UHRF2: variants seen among roughly 807,000 people sequenced by gnomAD.
The protein encoded by UHRF2 is E3 ubiquitin-protein ligase UHRF2.
UHRF2 carries 23 observed loss-of-function variants against 96.8 expected under a neutral mutation model. The observed-to-expected ratio is 0.24, with a 90% CI of 0.17 to 0.34. The LOEUF (loss-of-function observed/expected upper bound fraction) is 0.34, where lower values mean the gene tolerates loss of function less well. Ranked by LOEUF, UHRF2 falls within the 10% of genes least tolerant of loss-of-function variation. The pLI is 1.00. For missense variants in UHRF2, 685 were observed against 981.5 expected, an observed-to-expected ratio of 0.70 and a Z score of 4.04; for synonymous variants, 385 against 332.6, an observed-to-expected ratio of 1.16 and a Z score of -1.72.
chr9:6,450,378 C>G (rs2130816678), intron 3 of UHRF2, among the ~76,000 whole-genome samples: 1 of 133,022 alleles, frequency 7.5e-6, no homozygotes, highest in Admixed American at 9.0e-5. Flanking sequence ...TTTTACTGAT[C>G]ACATTCCTGT....
intron 3 of UHRF2, among the ~76,000 whole-genome samples, chr9:6,453,819 C>A (rs559553939): frequency 1.3e-5 from 2 of 151,984 alleles, no homozygotes; most frequent in Admixed American, 1.3e-4. Context: ...GCAGGAGAAT[C>A]GCTTGGACCC....
chr9:6,457,101 T>G (rs1191691951), intron 3 of UHRF2, among the ~76,000 whole-genome samples: 2 of 152,244 alleles, frequency 1.3e-5, no homozygotes, highest in East Asian at 3.8e-4. Flanking sequence ...CTTTGGGCAG[T>G]ATGGGCATTT....
At position 6,444,185 on chromosome 9, in the gene UHRF2, C is replaced by G. The variant is rs189531475; in HGVS notation, c.644+10012C>G. Among the ~76,000 whole-genome samples, 144 of 152,248 alleles carry G rather than the reference C, an allele frequency of 9.5e-4. 1 individual carries two copies. Among genetic ancestry groups the G allele is most frequent in the Non-Finnish European group, 4.1e-4 (28 of 68,012 alleles). ...TGTCAGTCTTGAGTACAGGAGGGAACTAGAATGAGTTGTTTAATTTCAGAA... is the reference window on the plus strand; with the variant it reads ...TGTCAGTCTTGAGTACAGGAGGGAAGTAGAATGAGTTGTTTAATTTCAGAA... On this transcript the variant is annotated intron_variant, in intron 3 of 15. Coordinates refer to ENST00000276893, the MANE Select transcript of UHRF2 (RefSeq NM_152896.3).
chr9:6,419,311 C>G (rs568505036), intron 1 of UHRF2, among the ~76,000 whole-genome samples: 10 of 152,288 alleles, frequency 6.6e-5, no homozygotes, highest in South Asian at 4.1e-4. Context: ...AACCCATAAC[C>G]CTTACCAAAA....
rs373027120 is a variant in UHRF2 at position 6,499,828 on chromosome 9, C to A, written c.1909-7C>A. Reference sequence around the variant, plus strand: ...GCATTGTACTCTCCCTCCTCCCCCCCCATCAGTATCCAGCAGGTTACCCTT... The same window carrying A: ...GCATTGTACTCTCCCTCCTCCCCCCACATCAGTATCCAGCAGGTTACCCTT... On this transcript the variant is annotated splice_region_variant and splice_polypyrimidine_tract_variant and intron_variant, in intron 12 of 15. Transcript: ENST00000276893. 1.8e-5 allele frequency: 29 copies of A among 1,598,966 alleles called. No homozygotes were observed. The highest frequency in any genetic ancestry group is 3.3e-5 in the South Asian group (3 of 90,292).
At chr9:6,448,747 TTGAG>T (rs1401521869) in intron 3 of UHRF2, among the ~76,000 whole-genome samples, 2 of 152,216 alleles carry the variant, frequency 1.3e-5, no homozygotes, top group Non-Finnish European at 2.9e-5. Flanking sequence ...TTTTCGCCTC[TTGAG>T]TAACAGGAGT....
At chr9:6,480,661 T>A (rs1317872727) in intron 6 of UHRF2, among the ~76,000 whole-genome samples, 2 of 152,184 alleles carry the variant, frequency 1.3e-5, no homozygotes, top group Non-Finnish European at 2.9e-5. Context: ...TTTAATACAG[T>A]TAGTTATAAA....
chr9:6,498,773 C>T (rs117579654), intron 12 of UHRF2: 1 of 152,308 alleles, frequency 6.6e-6, no homozygotes, highest in Non-Finnish European at 1.5e-5. Context: ...TTGTCCCTGA[C>T]ACTGACTTCA....
At chr9:6,419,180 C>G (rs951730304) in intron 1 of UHRF2, among the ~76,000 whole-genome samples, 2 of 152,118 alleles carry the variant, frequency 1.3e-5, no homozygotes, top group Non-Finnish European at 2.9e-5. Flanking sequence ...TTGGCAGGGA[C>G]GCAACTTAGC....
Position 6,503,800 on chromosome 9 carries a change from A to G in UHRF2, c.2164-793A>G, listed in dbSNP as rs538954642. Among the ~76,000 whole-genome samples, 4 of 152,208 alleles carry G rather than the reference A, an allele frequency of 2.6e-5. No individual in the cohort carries two copies. In the East Asian group the frequency reaches 7.7e-4, roughly 29 times the overall value. On this transcript the variant is annotated intron_variant, in intron 14 of 15. Coordinates refer to ENST00000276893, the MANE Select transcript of UHRF2 (RefSeq NM_152896.3). ...GTAATGACCTTGAGACACGTTGCCC[A>G]TGATTTTTTTATTTTTTAAGTGAAA...
At chr9:6,444,304 T>G (rs959765129) in intron 3 of UHRF2, among the ~76,000 whole-genome samples, 7 of 152,352 alleles carry the variant, frequency 4.6e-5, no homozygotes, top group African/African-American at 1.7e-4. Context: ...TGTCTATGAC[T>G]TGTAGGCTCC....
chr9:6,420,807 C>G (rs745830188), intron 1 of UHRF2, 105 bp from the exon 2 acceptor site: 11 of 845,502 alleles, frequency 1.3e-5, no homozygotes, highest in African/African-American at 5.1e-5. Flanking sequence ...AATCTCTAAA[C>G]TGTAGTGCTA....
chr9:6,423,773 G>A (rs1304915956), intron 2 of UHRF2, among the ~76,000 whole-genome samples: 7 of 151,610 alleles, frequency 4.6e-5, no homozygotes, highest in East Asian at 1.9e-4. Flanking sequence ...GTGAAACCCC[G>A]TCTCCACTAA....
At chr9:6,475,621 C>T in intron 5 of UHRF2, 121 bp downstream of exon 5, 1 of 435,682 alleles carries the variant, frequency 2.3e-6, no homozygotes. Flanking sequence ...AATTTATTTT[C>T]AAGACAACAG....
chr9:6,415,790 C>T (rs575695834), intron 1 of UHRF2, among the ~76,000 whole-genome samples: 1 of 152,308 alleles, frequency 6.6e-6, no homozygotes, highest in South Asian at 2.1e-4. Context: ...CCCAGAACTG[C>T]AAGTAGTTGA....
intron 10 of UHRF2, chr9:6,494,163 T>C (rs1487047177): frequency 1.2e-5 from 5 of 400,786 alleles, no homozygotes; most frequent in Admixed American, 4.3e-5. Context: ...GTGATATGCA[T>C]TTGAAAATGT....
At chr9:6,414,705 G>A (rs975858618) in intron 1 of UHRF2, among the ~76,000 whole-genome samples, 12 of 152,316 alleles carry the variant, frequency 7.9e-5, no homozygotes, top group African/African-American at 2.6e-4. Flanking sequence ...GCCTACAGTT[G>A]CAAACTACTT....
chr9:6,424,000 G>T (rs1820089870), intron 2 of UHRF2, among the ~76,000 whole-genome samples: 1 of 18,322 alleles, frequency 5.5e-5, no homozygotes, highest in Admixed American at 6.6e-4. Context: ...AGACAGAATA[G>T]GTTAATATTT....
chr9:6,426,922 T>G (rs1346690672), intron 2 of UHRF2, among the ~76,000 whole-genome samples: 1 of 152,054 alleles, frequency 6.6e-6, no homozygotes, highest in Non-Finnish European at 1.5e-5. Context: ...CTAATTTTTG[T>G]ACTTTCAGTA....
Sources: gnomAD v4.1 joint callset for allele counts (sites outside exome capture counted in the v4.1 genomes callset) on GRCh38, gnomAD v4.1.1 for gene constraint, MANE v1.5 for transcripts, NCBI Gene and HGNC (gene_info 2026-07-23, HGNC 2026-07-21) for gene names.